The following TAPT1 variants were observed in gnomAD, a reference collection of about 807,000 sequenced individuals.
TAPT1 encodes transmembrane anterior posterior transformation protein 1 homolog.
Under a neutral mutation model 65.6 loss-of-function variants are expected in TAPT1, and 28 were observed. That is an observed-to-expected ratio of 0.43 (90% CI 0.32 to 0.59). The LOEUF (loss-of-function observed/expected upper bound fraction) is 0.59. TAPT1 is among the 20% of genes least tolerant of loss of function. TAPT1 has a pLI of 0.09. For synonymous variants in TAPT1, 278 were observed against 245.2 expected (o/e 1.13, Z -1.25); for missense variants, 563 against 679.9 (o/e 0.83, Z 1.91).
rs761686384 is a variant in TAPT1 at position 16,174,694 on chromosome 4, G to T, written c.1143C>A (p.Asp381Glu). ...CATTTTTCTGTCGGCTGCTAACAAG[G>T]TCAAAAGCAAGACTGGCTCTATATT... The part of the protein sequence containing the change: ...YSEYRASLAF[D>E]LVSSRQKNAY... Residue 381 changes from aspartate to glutamate, a missense_variant, in exon 10 of 14, where the codon GAC becomes GAA. By Grantham distance (45) the Asp-to-Glu change is conservative. This residue lies in a region of TAPT1 where 104 missense variants were observed against 102.5 expected (regional missense o/e 1.01). Transcript: ENST00000405303. The T allele has an allele frequency of 6.3e-7, 1 of 1,593,770 alleles. No homozygotes were observed. The highest frequency in any genetic ancestry group is 2.3e-5 in the East Asian group (1 of 44,122).
chr4:16,213,929 AG>A, intron 1 of TAPT1, 31 bp from the exon 2 acceptor site: 9 of 1,574,178 alleles, frequency 5.7e-6, no homozygotes, highest in Non-Finnish European at 6.8e-6. Context: ...GAAAACAAAA[AG>A]AACAGTATTT....
In TAPT1 at chr4:16,163,293, C is replaced by T; in HGVS notation, c.*15G>A. ...GCCCCAGGACCCAGCTTCTTCAGCGCATGAAGCCACAGATTCAGTCAATTC... is the reference window on the plus strand; with the variant it reads ...GCCCCAGGACCCAGCTTCTTCAGCGTATGAAGCCACAGATTCAGTCAATTC... On this transcript the variant is annotated 3_prime_UTR_variant, in exon 14 of 14. Transcript: ENST00000405303. 6.2e-7 allele frequency: 1 copy of T among 1,602,320 alleles called. No homozygotes were observed. The highest frequency in any genetic ancestry group is 8.6e-7 in the Non-Finnish European group (1 of 1,169,192).
At chr4:16,213,547 A>C (rs988568035) in intron 2 of TAPT1, among the ~76,000 whole-genome samples, 1 of 152,244 alleles carries the variant, frequency 6.6e-6, no homozygotes, top group African/African-American at 2.4e-5. Context: ...TGATAGGCAG[A>C]AAAGTTCAGA....
Position 16,166,693 on chromosome 4 carries a change from C to T in TAPT1, c.1414G>A (p.Ala472Thr), listed in dbSNP as rs376072922. The change falls in exon 13 of 14, where the codon GCA (alanine) becomes ACA (threonine). Residue 472 changes from alanine to threonine, a missense_variant. Transcript: ENST00000405303. ...GACGGCTTGCCTGGAGTGCAGGTTGCGGGAGGATTCGACAGCTTCTCTTCC... is the reference window on the plus strand; with the variant it reads ...GACGGCTTGCCTGGAGTGCAGGTTGTGGGAGGATTCGACAGCTTCTCTTCC... ...KMEEKLSNPP[A>T]TCTPGKPSSK... 1.6e-5 allele frequency: 26 copies of T among 1,613,778 alleles called. No individual in the cohort carries two copies. In the African/African-American group the frequency reaches 1.7e-4, roughly 11 times the overall value.
At chr4:16,178,742 C>T (rs1240319978) in intron 8 of TAPT1, among the ~76,000 whole-genome samples, 1 of 152,164 alleles carries the variant, frequency 6.6e-6, no homozygotes, top group African/African-American at 2.4e-5. Context: ...TTGACAATTT[C>T]CTGTCAGCCT....
chr4:16,224,417 G>C (rs1032067718), intron 1 of TAPT1, among the ~76,000 whole-genome samples: 2 of 152,222 alleles, frequency 1.3e-5, no homozygotes, highest in Non-Finnish European at 1.5e-5. Context: ...GTGACTAGCA[G>C]AGCAGGGACA....
chr4:16,199,879 C>T (rs1334902185), intron 3 of TAPT1, among the ~76,000 whole-genome samples: 1 of 152,162 alleles, frequency 6.6e-6, no homozygotes, highest in Non-Finnish European at 1.5e-5. Context: ...TGTGTACCAC[C>T]GTGCTGGTCT....
chr4:16,174,526 T>G, intron 10 of TAPT1, 144 bp downstream of exon 10: 1 of 733,148 alleles, frequency 1.4e-6, no homozygotes, highest in African/African-American at 1.8e-5. Context: ...TTTGTAAATG[T>G]TTATTTAGTG....
intron 12 of TAPT1, among the ~76,000 whole-genome samples, chr4:16,170,343 G>T (rs959308315): frequency 1.3e-5 from 2 of 152,216 alleles, no homozygotes; most frequent in African/African-American, 4.8e-5. Flanking sequence ...TTTTAAATAT[G>T]AAAACATGTC....
intron 3 of TAPT1, among the ~76,000 whole-genome samples, chr4:16,198,523 TA>T (rs1379210414): frequency 6.6e-6 from 1 of 151,496 alleles, no homozygotes; most frequent in Non-Finnish European, 1.5e-5. Context: ...AGGAAGACAG[TA>T]AGTTTTTACA....
rs961724368 is a variant in TAPT1, at chr4:16,162,743, T to A, written c.*565A>T. 2 of 173,640 alleles carry A rather than the reference T, an allele frequency of 1.2e-5. No homozygotes were observed. Among genetic ancestry groups the A allele is most frequent in the Admixed American group, 1.2e-4 (2 of 17,264 alleles). The allele number at this position is 173,640 out of a possible 1,614,324, so 10.8% of individuals were successfully genotyped here. A position where few individuals can be genotyped will look rare whatever the true frequency, so the allele number is the denominator to read the frequency against. On this transcript the variant is annotated 3_prime_UTR_variant, in exon 14 of 14. Coordinates refer to ENST00000405303, the MANE Select transcript of TAPT1 (RefSeq NM_153365.3). ...CTACAAAATGCTACTATTCATCATG[T>A]CTTATTTAAGGTAGCCTTTTATTCT...
In TAPT1 at chr4:16,186,571, AC is replaced by A; in HGVS notation, c.879del (p.Lys293AsnfsTer26). On this transcript the variant is annotated frameshift_variant, in exon 7 of 14. Transcript: ENST00000405303. LOFTEE classifies it high-confidence loss of function. Reference protein sequence around the residue: ...FVEIKGSVFKKFEKNNLFQMS... With the variant: ...FVEIKGSVFKXFEKNNLFQMS... ...ATTTGAAAGAGATTGTTCTTTTCAA[AC>A]TTCTTGAAAACACTTCCTTTAATTT... The A allele has an allele frequency of 6.5e-7, 1 of 1,535,460 alleles. No homozygotes were observed. The highest frequency in any genetic ancestry group is 8.8e-7 in the Non-Finnish European group (1 of 1,131,178).
chr4:16,214,317 T>C (rs2032067621), intron 1 of TAPT1: 1 of 152,802 alleles, frequency 6.5e-6, no homozygotes, highest in South Asian at 2.1e-4. Context: ...CCAAGAACCA[T>C]CCTGGATGAA....
chr4:16,198,382 T>C (rs1560174975), intron 3 of TAPT1, among the ~76,000 whole-genome samples: 1 of 152,130 alleles, frequency 6.6e-6, no homozygotes, highest in Non-Finnish European at 1.5e-5. Context: ...TTTACATTAT[T>C]GATGTGATAC....
In TAPT1 at chr4:16,161,528, G is replaced by C. The variant is rs1023728099; in HGVS notation, c.*1780C>G. On this transcript the variant is annotated 3_prime_UTR_variant, in exon 14 of 14. Transcript: ENST00000405303. ...TGAAATCAGGGTTGTGTTTGGCAAA[G>C]CTTTCCCCAAACTATTCCATTCACG... The C allele has an allele frequency of 1.3e-5, 2 of 152,600 alleles. No homozygotes were observed. The highest frequency in any genetic ancestry group is 4.8e-5 in the African/African-American group (2 of 41,440). 9.5% of individuals were successfully genotyped at this position (152,600 alleles called of 1,614,324 possible).
At position 16,211,251 on chromosome 4, in the gene TAPT1, T is replaced by C. The variant is rs558913040; in HGVS notation, c.330+2517A>G. 5.9e-5 allele frequency among the ~76,000 whole-genome samples: 9 copies of C among 151,952 alleles called. No homozygotes were observed. In the South Asian group the frequency reaches 1.9e-3, roughly 32 times the overall value. On this transcript the variant is annotated intron_variant, in intron 2 of 13. Coordinates refer to ENST00000405303, the MANE Select transcript of TAPT1 (RefSeq NM_153365.3). The stretch of plus-strand genomic sequence containing the variant: ...AAAAAGAAAAAAAATGAGTAAGATA[T>C]TATATATTAGAATAGACAATGTAAA...
chr4:16,194,862 T>TCC (rs1491373607), intron 3 of TAPT1, among the ~76,000 whole-genome samples: 1 of 17,474 alleles, frequency 5.7e-5, no homozygotes, highest in African/African-American at 1.5e-4. Flanking sequence ...GATTTCTGTC[T>TCC]TCTTCTTCTT....
Position 16,166,795 on chromosome 4 carries a change from T to C in TAPT1, c.1314-2A>G. The C allele has an allele frequency of 6.2e-7, 1 of 1,612,956 alleles. No homozygotes were observed. Among genetic ancestry groups the C allele is most frequent in the Non-Finnish European group, 8.5e-7 (1 of 1,179,072 alleles). On this transcript the variant is annotated splice_acceptor_variant, in intron 12 of 13. Coordinates refer to ENST00000405303, the MANE Select transcript of TAPT1 (RefSeq NM_153365.3). LOFTEE classifies it high-confidence loss of function. Reference sequence around the variant, plus strand: ...TTAAGTACTTTCAGGGATATCAACCTAAAAACAGAAACAAAACAAACCACA... The same window carrying C: ...TTAAGTACTTTCAGGGATATCAACCCAAAAACAGAAACAAAACAAACCACA...
intron 8 of TAPT1, among the ~76,000 whole-genome samples, chr4:16,177,367 G>A (rs1199066236): frequency 6.6e-6 from 1 of 152,084 alleles, no homozygotes; most frequent in Non-Finnish European, 1.5e-5. Context: ...ATGTAAGAGT[G>A]GGACACAGCA....
Sources: allele counts gnomAD v4.1 joint callset (sites outside exome capture counted in the v4.1 genomes callset), GRCh38; gene constraint gnomAD v4.1.1; regional missense constraint gnomAD v4.1.1; transcripts MANE v1.5; gene names NCBI Gene and HGNC (gene_info 2026-07-23, HGNC 2026-07-21).